Variants in HGF observed in about 807,000 individuals in gnomAD.
The protein encoded by HGF is hepatocyte growth factor, also known as fibroblast-derived tumor cytotoxic factor.
In HGF, 39 loss-of-function variants were observed where a neutral mutation model predicts 111.6. The observed-to-expected ratio is 0.35, with a 90% confidence interval of 0.27 to 0.46. HGF has a LOEUF of 0.46. Ranked by LOEUF, HGF falls within the 20% of genes least tolerant of loss-of-function variation. The probability of loss-of-function intolerance (pLI) is 1.00; values close to 1 mark genes in which losing one functional copy is unlikely to be tolerated. For missense variants in HGF, 735 were observed against 910.5 expected (o/e 0.81, Z 2.48); for synonymous variants, 285 against 294.8 (o/e 0.97, Z 0.34).
At chr7:81,706,515 T>C in intron 14 of HGF, 88 bp from the exon 15 acceptor site, 1 of 1,049,840 alleles carries the variant, frequency 9.5e-7, no homozygotes, top group Non-Finnish European at 1.4e-6. Context: ...TTTAGACTAT[T>C]AAGGCACATA....
intron 7 of HGF, chr7:81,742,899 T>G (rs768604458): frequency 1.1e-4 from 179 of 1,612,292 alleles, no homozygotes; most frequent in Non-Finnish European, 1.5e-4. Context: ...CTGCAGCCTC[T>G]GTCACTCACC....
chr7:81,716,668 C>T (rs974741854), intron 11 of HGF, among the ~76,000 whole-genome samples: 1 of 152,184 alleles, frequency 6.6e-6, no homozygotes, highest in African/African-American at 2.4e-5. Flanking sequence ...CTATGTCAAA[C>T]ATGTATTACA....
At chr7:81,721,163 C>T (rs973905206) in intron 9 of HGF, among the ~76,000 whole-genome samples, 10 of 152,086 alleles carry the variant, frequency 6.6e-5, no homozygotes, top group African/African-American at 1.4e-4. Context: ...AGGAGAATGG[C>T]GTGAACCCGG....
chr7:81,706,174 C>CATATGTTACATGCTGTATAT, intron 15 of HGF, 113 bp downstream of exon 15: 1 of 897,044 alleles, frequency 1.1e-6, no homozygotes, highest in Non-Finnish European at 1.9e-6. Flanking sequence ...CAGCATGTAA[C>CATATGTTACATGCTGTATAT]ATATGTTTAT....
rs141751290 is a variant in HGF at position 81,729,760 on chromosome 7, G to T, written c.885C>A (p.Asp295Glu). 6.2e-7 allele frequency: 1 copy of T among 1,612,560 alleles called. No individual in the cohort carries two copies. The highest frequency in any genetic ancestry group is 1.1e-5 in the South Asian group (1 of 91,006). The change falls in exon 8 of 18, where the codon GAC (aspartate) becomes GAA (glutamate). Residue 295 changes from aspartate to glutamate, a missense_variant. Around this residue, in one of 3 missense-constraint regions of HGF, gnomAD observed 553 missense variants for 685.6 expected, o/e 0.81. Coordinates refer to ENST00000222390, the MANE Select transcript of HGF (RefSeq NM_000601.6). Reference protein sequence around the residue: ...IKTCADNTMNDTDVPLETTEC... With the variant: ...IKTCADNTMNETDVPLETTEC... ...CAGTTGTTTCCAAAGGAACATCAGT[G>T]TCATTCATAGTATTGTCAGCTATTG...
chr7:81,734,241 C>T (rs1042785399), intron 7 of HGF, among the ~76,000 whole-genome samples: 4 of 152,062 alleles, frequency 2.6e-5, no homozygotes, highest in Admixed American at 1.3e-4. Flanking sequence ...ACAAAGAAAA[C>T]ATTTTGCCAG....
intron 7 of HGF, chr7:81,742,594 A>G: frequency 1.6e-6 from 1 of 633,120 alleles, no homozygotes; most frequent in South Asian, 5.0e-5. Context: ...AAAGAAATGA[A>G]AACATTATGT....
Position 81,702,638 on chromosome 7 carries a change from T to C in HGF, c.2130A>G (p.Ala710=), listed in dbSNP as rs267601578. 24 of 1,611,498 alleles carry C rather than the reference T, an allele frequency of 1.5e-5. No individual in the cohort carries two copies. Among genetic ancestry groups the C allele is most frequent in the Non-Finnish European group, 2.0e-5 (24 of 1,178,298 alleles). The change falls in exon 18 of 18, where the codon GCA becomes GCG. Residue 710 remains alanine, a synonymous_variant. Coordinates refer to ENST00000222390, the MANE Select transcript of HGF (RefSeq NM_000601.6). ...PNRPGIFVRV[A]YYAKWIHKII... ...TTTTGTGTATCCATTTTGCATAATA[T>C]GCTACTCGGACAAAAATACCAGGAC...
rs765051974 is a variant in HGF, at chr7:81,762,732, T to C, written c.229A>G (p.Asn77Asp). 53 of 1,612,810 alleles carry C rather than the reference T, an allele frequency of 3.3e-5. No homozygotes were observed. The highest frequency in any genetic ancestry group is 4.2e-5 in the Non-Finnish European group (49 of 1,179,064). ...TTGCAAGTGAATGGAAGTCCTTTAT[T>C]CCTAGTACATCTATTAGCACATTGG... ...ADQCANRCTR[N>D]KGLPFTCKAF... The change falls in exon 2 of 18, where the codon AAT becomes GAT. Residue 77 changes from asparagine to aspartate, a missense_variant. Asn to Asp is a conservative substitution (Grantham distance 23, BLOSUM62 1). Transcript: ENST00000222390.
At chr7:81,725,267 T>C (rs1789976197) in intron 9 of HGF, among the ~76,000 whole-genome samples, 1 of 152,212 alleles carries the variant, frequency 6.6e-6, no homozygotes, top group South Asian at 2.1e-4. Flanking sequence ...TCTCATCTCC[T>C]ACTACTCTTC....
chr7:81,754,910 A>G (rs1212681624), intron 4 of HGF, among the ~76,000 whole-genome samples: 1 of 152,120 alleles, frequency 6.6e-6, no homozygotes, highest in African/African-American at 2.4e-5. Context: ...ATTTATTCAT[A>G]TATACACTAT....
chr7:81,741,583 C>G lies in HGF; in HGVS notation c.865+1770G>C, dbSNP rs55654144. On this transcript the variant is annotated intron_variant, in intron 7 of 17. Transcript: ENST00000222390. ...TGAGTGTGTATGTGTGTGTGTGTGTCTGTGTGTGTGTGTGTGTGTGTGTGT... is the reference window on the plus strand; with the variant it reads ...TGAGTGTGTATGTGTGTGTGTGTGTGTGTGTGTGTGTGTGTGTGTGTGTGT... Among the ~76,000 whole-genome samples the G allele has an allele frequency of 9.2e-3, 1,294 of 140,650 alleles. 17 individuals are homozygous for G. Among genetic ancestry groups the G allele is most frequent in the African/African-American group, 0.032 (1,239 of 38,432 alleles). The allele number at this position is 140,650 out of a possible 152,430, so 92.3% of individuals were successfully genotyped here.
At chr7:81,708,453 G>T (rs954606136) in intron 13 of HGF, among the ~76,000 whole-genome samples, 2 of 148,040 alleles carry the variant, frequency 1.4e-5, no homozygotes, top group Non-Finnish European at 3.0e-5. Context: ...ATCCTCTGGG[G>T]TTATAAGATA....
At chr7:81,753,740 A>G (rs1267283957) in intron 4 of HGF, among the ~76,000 whole-genome samples, 1 of 152,000 alleles carries the variant, frequency 6.6e-6, no homozygotes, top group Non-Finnish European at 1.5e-5. Context: ...TGCAACTTCA[A>G]TGCATCTAAG....
chr7:81,766,767 C>T (rs1458812366), intron 1 of HGF, among the ~76,000 whole-genome samples: 1 of 152,176 alleles, frequency 6.6e-6, no homozygotes, highest in Non-Finnish European at 1.5e-5. Flanking sequence ...TCTGTTTCTG[C>T]CTACAACTTT....
chr7:81,748,980 A>T (rs1462160709), intron 5 of HGF, among the ~76,000 whole-genome samples: 2 of 152,196 alleles, frequency 1.3e-5, no homozygotes, highest in African/African-American at 2.4e-5. Flanking sequence ...ATTTTTAATT[A>T]GTGTTTGTTT....
Position 81,745,128 on chromosome 7 carries a change from A to G in HGF, c.626-8T>C. The G allele has an allele frequency of 6.2e-7, 1 of 1,613,688 alleles. No homozygotes were observed. The highest frequency in any genetic ancestry group is 1.1e-5 in the South Asian group (1 of 91,072). On this transcript the variant is annotated splice_region_variant and splice_polypyrimidine_tract_variant and intron_variant, in intron 5 of 17. Coordinates refer to ENST00000222390, the MANE Select transcript of HGF (RefSeq NM_000601.6). ...TGCAGGTCATGCATTCAACTAATAA[A>G]ATTAAAGTATGGCATGTTAATTGTT...
Position 81,752,190 on chromosome 7 carries a change from C to G in HGF, c.555G>C (p.Gly185=), listed in dbSNP as rs1186071281. The G allele has an allele frequency of 6.2e-7, 1 of 1,613,518 alleles. No homozygotes were observed. Among genetic ancestry groups the G allele is most frequent in the South Asian group, 1.1e-5 (1 of 91,072 alleles). ...GATTGCTTGTGAAACACCAGGGTCC[C>G]CCTTCTTCCCCTCGAGGATTTCGAC... ...NYCRNPRGEE[G]GPWCFTSNPE... Residue 185 remains glycine, a synonymous_variant, in exon 5 of 18, where the codon GGG becomes GGC. Transcript: ENST00000222390.
rs187380584 is a variant in HGF, at chr7:81,753,264, T to C, written c.483-1002A>G. Among the ~76,000 whole-genome samples the C allele has an allele frequency of 9.9e-5, 15 of 152,230 alleles. No homozygotes were observed. In the East Asian group the frequency reaches 2.9e-3, roughly 29 times the overall value. On this transcript the variant is annotated intron_variant, in intron 4 of 17. Transcript: ENST00000222390. ...TGATATTGGACTCAACAATTAGATA[T>C]TGCATTTGTCTGCCAGACTTTACAC... is the stretch of plus-strand genomic sequence containing the variant.
Sources: allele counts gnomAD v4.1 joint callset (sites outside exome capture counted in the v4.1 genomes callset), GRCh38; gene constraint gnomAD v4.1.1; regional missense constraint gnomAD v4.1.1; transcripts MANE v1.5; gene names NCBI Gene and HGNC (gene_info 2026-07-23, HGNC 2026-07-21).